The following ABHD12 variants were observed in gnomAD, a reference collection of about 807,000 sequenced individuals.
The protein encoded by ABHD12 is abhydrolase domain containing 12, lysophospholipase.
ABHD12 carries 43 observed loss-of-function variants against 58.3 expected under a neutral mutation model. That is an observed-to-expected ratio of 0.74 (90% CI 0.58 to 0.95). The LOEUF is 0.95. ABHD12 is among the 40% of genes least tolerant of loss of function. ABHD12 has a pLI of 0.00. For synonymous variants in ABHD12, 219 were observed against 211.2 expected (o/e 1.04, Z -0.32); for missense variants, 539 against 537.2 (o/e 1.00, Z -0.03).
intron 6 of ABHD12, among the ~76,000 whole-genome samples, chr20:25,313,288 A>C (rs2088897044): frequency 6.6e-6 from 1 of 152,306 alleles, no homozygotes; most frequent in African/African-American, 2.4e-5. Context: ...CTTACCCCCA[A>C]CCTGGTGCTC....
chr20:25,308,421 C>T (rs774444692), intron 8 of ABHD12, 36 bp downstream of exon 8: 2 of 1,605,712 alleles, frequency 1.2e-6, no homozygotes, highest in Non-Finnish European at 1.7e-6. Flanking sequence ...ACCCTGAATG[C>T]TCACTGCCAC....
intron 1 of ABHD12, among the ~76,000 whole-genome samples, chr20:25,358,859 C>T (rs774455404): frequency 6.6e-6 from 1 of 152,090 alleles, no homozygotes; most frequent in Admixed American, 6.6e-5. Context: ...CAAAGCAATG[C>T]CATCTCTATG....
At chr20:25,346,268 A>G (rs185768485) in intron 1 of ABHD12, among the ~76,000 whole-genome samples, 1 of 152,334 alleles carries the variant, frequency 6.6e-6, no homozygotes, top group East Asian at 1.9e-4. Flanking sequence ...CATTCTGTAA[A>G]AGGTCAAACT....
At chr20:25,319,157 T>A (rs923474630) in intron 4 of ABHD12, among the ~76,000 whole-genome samples, 1 of 152,200 alleles carries the variant, frequency 6.6e-6, no homozygotes, top group Admixed American at 6.5e-5. Context: ...CACGAAGACC[T>A]TGGTGGTTTT....
intron 12 of ABHD12, among the ~76,000 whole-genome samples, 198 bp from the exon 13 acceptor site, chr20:25,301,082 C>T (rs1436074023): frequency 6.6e-6 from 1 of 152,208 alleles, no homozygotes; most frequent in East Asian, 1.9e-4. Context: ...CAAGTCAAAG[C>T]CCAACACACA....
At chr20:25,327,530 G>A (rs1568731829) in intron 2 of ABHD12, among the ~76,000 whole-genome samples, 3 of 152,014 alleles carry the variant, frequency 2.0e-5, no homozygotes, top group South Asian at 4.2e-4. Context: ...CTGAGACAGT[G>A]AAAGAGATCT....
At chr20:25,298,660 CTGG>C (rs2088588495), downstream of ABHD12, among the ~76,000 whole-genome samples, 2 of 152,236 alleles carry the variant, frequency 1.3e-5, no homozygotes, top group Non-Finnish European at 1.5e-5. Flanking sequence ...GTGACTTGTG[CTGG>C]TCCCTTTGCA....
intron 2 of ABHD12, among the ~76,000 whole-genome samples, chr20:25,338,143 T>C (rs1020495298): frequency 1.3e-5 from 2 of 152,092 alleles, no homozygotes; most frequent in Admixed American, 6.6e-5. Context: ...ACACCCAAAC[T>C]CATAAGCCCA....
At chr20:25,373,046 C>T (rs1165472099) in intron 1 of ABHD12, among the ~76,000 whole-genome samples, 1 of 152,200 alleles carries the variant, frequency 6.6e-6, no homozygotes, top group Non-Finnish European at 1.5e-5. Context: ...CAGTATCATG[C>T]TGTGCAGGTT....
intron 1 of ABHD12, among the ~76,000 whole-genome samples, chr20:25,379,078 C>A (rs901679504): frequency 5.9e-5 from 9 of 152,210 alleles, no homozygotes; most frequent in African/African-American, 1.9e-4. Context: ...GACCTCAGTT[C>A]ATGTGAACCT....
downstream of ABHD12, chr20:25,300,212 A>G: frequency 1.0e-6 from 1 of 996,656 alleles, no homozygotes; most frequent in South Asian, 4.4e-5. Context: ...GAGAGACAAA[A>G]GGACCACCAC....
At chr20:25,313,052 C>T (rs2088891065) in intron 6 of ABHD12, among the ~76,000 whole-genome samples, 1 of 152,384 alleles carries the variant, frequency 6.6e-6, no homozygotes, top group East Asian at 1.9e-4. Flanking sequence ...TGAGGAGCCC[C>T]TCTGCCCGGC....
downstream of ABHD12, chr20:25,298,112 G>GTGCAGGGA (rs1331429617): frequency 6.6e-6 from 1 of 152,286 alleles, no homozygotes; most frequent in Non-Finnish European, 1.5e-5. Context: ...GGTGGTGCCA[G>GTGCAGGGA]TGCAGGGATG....
At chr20:25,390,475 C>CGCGGGG in intron 1 of ABHD12, 38 bp downstream of exon 1, 2 of 1,089,478 alleles carry the variant, frequency 1.8e-6, no homozygotes, top group Non-Finnish European at 1.1e-6. Flanking sequence ...AGTGAGGGAC[C>CGCGGGG]GGCCCCCCCC....
chr20:25,379,840 C>G (rs773265328), intron 1 of ABHD12, among the ~76,000 whole-genome samples: 8 of 151,868 alleles, frequency 5.3e-5, no homozygotes, highest in Non-Finnish European at 7.4e-5. Flanking sequence ...CAATCATGCA[C>G]GCCATGCCTG....
intron 2 of ABHD12, among the ~76,000 whole-genome samples, chr20:25,326,900 A>C (rs1407284052): frequency 1.3e-5 from 2 of 152,140 alleles, no homozygotes; most frequent in African/African-American, 2.4e-5. Flanking sequence ...TGCACTCCTT[A>C]CCTTAGTCCC....
chr20:25,295,846 A>T (rs934955792), downstream of ABHD12, among the ~76,000 whole-genome samples: 1 of 152,194 alleles, frequency 6.6e-6, no homozygotes, highest in Non-Finnish European at 1.5e-5. Flanking sequence ...GTCACTGTCA[A>T]TGTCACTCCC....
At chr20:25,372,185 A>G (rs182768992) in intron 1 of ABHD12, among the ~76,000 whole-genome samples, 1 of 151,182 alleles carries the variant, frequency 6.6e-6, no homozygotes, top group Non-Finnish European at 1.5e-5. Context: ...TTCTTAAAGC[A>G]TGGGTCTGCT....
chr20:25,339,834 T>TC (rs1027953901), intron 1 of ABHD12: 4 of 1,130,028 alleles, frequency 3.5e-6, no homozygotes, highest in Middle Eastern at 3.0e-4. Context: ...CCTGACCAGG[T>TC]CCTCAGAGAG....
Sources: gnomAD v4.1 joint callset for allele counts (sites outside exome capture counted in the v4.1 genomes callset) on GRCh38, gnomAD v4.1.1 for gene constraint, MANE v1.5 for transcripts, NCBI Gene and HGNC (gene_info 2026-07-23, HGNC 2026-07-21) for gene names.